Variants in SLIT3 observed in about 807,000 individuals in gnomAD.
The protein encoded by SLIT3 is slit guidance ligand 3, also known as slit homolog 3 protein.
In SLIT3, 68 loss-of-function variants were observed where a neutral mutation model predicts 184.0. That is an observed-to-expected ratio of 0.37 (90% CI 0.30 to 0.45). The LOEUF is 0.45. Ranked by LOEUF, SLIT3 falls within the 20% of genes least tolerant of loss-of-function variation. The pLI, the probability that SLIT3 is intolerant of heterozygous loss-of-function variation, is 1.00. For missense variants in SLIT3, 1,707 were observed against 2,026.0 expected, an observed-to-expected ratio of 0.84 and a Z score of 3.02; for synonymous variants, 831 against 828.6, an observed-to-expected ratio of 1.00 and a Z score of -0.05.
At chr5:168,774,134 T>A in intron 13 of SLIT3, 101 bp downstream of exon 13, 1 of 1,184,696 alleles carries the variant, frequency 8.4e-7, no homozygotes, top group South Asian at 1.5e-5. Flanking sequence ...GAACTCCTCC[T>A]GGATGTGCTC....
chr5:168,769,971 T>C (rs990690672), intron 14 of SLIT3, among the ~76,000 whole-genome samples: 1 of 152,222 alleles, frequency 6.6e-6, no homozygotes, highest in African/African-American at 2.4e-5. Context: ...GAGAGCTATC[T>C]TGCTGTTCGC....
chr5:168,745,268 T>C (rs4519935), intron 20 of SLIT3, among the ~76,000 whole-genome samples: 67,422 of 152,106 alleles, frequency 0.44, 15,574 homozygotes, highest in East Asian at 0.56. Flanking sequence ...TTGCTTCTTA[T>C]AGATGAGGAA....
intron 4 of SLIT3, among the ~76,000 whole-genome samples, chr5:168,944,345 A>T (rs954748923): frequency 3.3e-5 from 5 of 152,060 alleles, no homozygotes; most frequent in African/African-American, 1.2e-4. Flanking sequence ...AGAGTCAGCC[A>T]CTCCTGGTAG....
At chr5:168,808,552 T>A (rs1757055365) in intron 8 of SLIT3, among the ~76,000 whole-genome samples, 1 of 152,198 alleles carries the variant, frequency 6.6e-6, no homozygotes, top group Admixed American at 6.5e-5. Flanking sequence ...AGTTTGGTAA[T>A]GTTCATTGTT....
rs189141913 is a variant in SLIT3, at chr5:168,815,475, T to C, written c.793+1825A>G. ...TTGGATGACTCTCGTACTCTATAATTATTTCTTTCACTTATGCCGATATTG... is the reference window on the plus strand; with the variant it reads ...TTGGATGACTCTCGTACTCTATAATCATTTCTTTCACTTATGCCGATATTG... On this transcript the variant is annotated intron_variant, in intron 8 of 35. Transcript: ENST00000519560. 8.1e-4 allele frequency among the ~76,000 whole-genome samples: 123 copies of C among 152,322 alleles called. 1 individual carries two copies. The highest frequency in any genetic ancestry group is 1.8e-3 in the Admixed American group (28 of 15,300).
At chr5:169,130,028 T>C (rs1019861797) in intron 4 of SLIT3, among the ~76,000 whole-genome samples, 2 of 152,156 alleles carry the variant, frequency 1.3e-5, no homozygotes, top group Non-Finnish European at 2.9e-5. Context: ...TTTGTATTTT[T>C]AGTGGAGACA....
intron 4 of SLIT3, among the ~76,000 whole-genome samples, chr5:169,097,052 CATAG>C (rs935260107): frequency 2.6e-5 from 4 of 152,138 alleles, no homozygotes; most frequent in Non-Finnish European, 4.4e-5. Context: ...CAGGAATATG[CATAG>C]ATAGTTTGTC....
chr5:168,743,847 A>G (rs1456785729), intron 20 of SLIT3, among the ~76,000 whole-genome samples: 2 of 152,252 alleles, frequency 1.3e-5, no homozygotes, highest in Non-Finnish European at 2.9e-5. Context: ...CGGTCTGGAT[A>G]GAAAAATCAA....
At chr5:169,296,505 C>T (rs1432764843) in intron 1 of SLIT3, among the ~76,000 whole-genome samples, 1 of 152,288 alleles carries the variant, frequency 6.6e-6, no homozygotes, top group East Asian at 1.9e-4. Context: ...CCCTAAAAGG[C>T]CACATCACCG....
chr5:168,856,806 T>TGTGTGTGC (rs374432432), intron 5 of SLIT3, among the ~76,000 whole-genome samples: 1,713 of 137,740 alleles, frequency 0.012, 17 homozygotes, highest in East Asian at 0.043. Context: ...TGTGTGTGTG[T>TGTGTGTGC]GCGCGCGCGC....
chr5:168,772,573 T>TGC (rs1755592299), intron 14 of SLIT3: 2 of 543,142 alleles, frequency 3.7e-6, no homozygotes, highest in African/African-American at 4.0e-5. Context: ...GCTTTTATTG[T>TGC]GTGTGTGTGT....
intron 14 of SLIT3, among the ~76,000 whole-genome samples, chr5:168,763,442 G>A (rs1259162102): frequency 6.6e-6 from 1 of 152,112 alleles, no homozygotes; most frequent in African/African-American, 2.4e-5. Flanking sequence ...ATGCCGCGAG[G>A]ACGAGCAAAT....
rs1321697272 is a variant in SLIT3 at position 168,965,030 on chromosome 5, T to C, written c.414-81694A>G. On this transcript the variant is annotated intron_variant, in intron 4 of 35. Coordinates refer to ENST00000519560, the MANE Select transcript of SLIT3 (RefSeq NM_003062.4). ...ATCTCTAAGGAAGCACTCACATCCC[T>C]GAAAGAGAGAGGGCCTCCTTAAATG... 2.6e-5 allele frequency among the ~76,000 whole-genome samples: 4 copies of C among 152,162 alleles called. No individual in the cohort carries two copies. In the East Asian group the frequency reaches 7.7e-4, roughly 29 times the overall value.
At chr5:169,155,010 C>T (rs1762253027) in intron 4 of SLIT3, among the ~76,000 whole-genome samples, 1 of 152,196 alleles carries the variant, frequency 6.6e-6, no homozygotes, top group South Asian at 2.1e-4. Flanking sequence ...TAAAAATCAG[C>T]TCTAAGAATC....
chr5:169,070,779 T>A (rs1221559768), intron 4 of SLIT3, among the ~76,000 whole-genome samples: 1 of 146,322 alleles, frequency 6.8e-6, no homozygotes, highest in African/African-American at 2.6e-5. Flanking sequence ...TGCCTAGACT[T>A]GCTCTCTACA....
intron 4 of SLIT3, among the ~76,000 whole-genome samples, chr5:168,934,111 G>A (rs755598606): frequency 2.6e-5 from 4 of 152,132 alleles, no homozygotes; most frequent in East Asian, 1.9e-4. Flanking sequence ...CCTGCTTCCC[G>A]GAAGCCCACC....
At chr5:168,918,371 A>G (rs937880778) in intron 4 of SLIT3, among the ~76,000 whole-genome samples, 23 of 152,170 alleles carry the variant, frequency 1.5e-4, no homozygotes, top group Non-Finnish European at 1.5e-5. Flanking sequence ...TGATGTTCTG[A>G]CTTGCATCAG....
At chr5:169,182,865 A>G (rs548512560) in intron 4 of SLIT3, among the ~76,000 whole-genome samples, 2 of 152,338 alleles carry the variant, frequency 1.3e-5, no homozygotes, top group South Asian at 4.1e-4. Context: ...CGTTCTTAAC[A>G]AAGAGATGAC....
chr5:169,271,664 G>C (rs1766620793), intron 1 of SLIT3, among the ~76,000 whole-genome samples: 1 of 152,150 alleles, frequency 6.6e-6, no homozygotes, highest in Non-Finnish European at 1.5e-5. Context: ...TATATATATA[G>C]ACAGAGATGC....
Sources: allele counts gnomAD v4.1 joint callset (sites outside exome capture counted in the v4.1 genomes callset), GRCh38; gene constraint gnomAD v4.1.1; transcripts MANE v1.5; gene names NCBI Gene and HGNC (gene_info 2026-07-23, HGNC 2026-07-21).